Variants in AFF3 observed in about 807,000 individuals in gnomAD.
AFF3 encodes the protein ALF transcription elongation factor 3, also known as AF4/FMR2 family member 3.
AFF3 carries 32 observed loss-of-function variants against 129.7 expected under a neutral mutation model. That is an observed-to-expected ratio of 0.25 (90% CI 0.19 to 0.33). The LOEUF (loss-of-function observed/expected upper bound fraction) is 0.33. Among genes scored for constraint, AFF3 ranks in the 10% least tolerant of loss-of-function variants. The probability of loss-of-function intolerance (pLI) is 1.00; values close to 1 mark genes in which losing one functional copy is unlikely to be tolerated. For synonymous variants in AFF3, 644 were observed against 635.4 expected (o/e 1.01, Z -0.20); for missense variants, 1,373 against 1,592.0 (o/e 0.86, Z 2.34).
intron 13 of AFF3, among the ~76,000 whole-genome samples, chr2:99,647,825 G>GT (rs1271305172): frequency 1.3e-5 from 2 of 152,186 alleles, no homozygotes; most frequent in Non-Finnish European, 2.9e-5. Flanking sequence ...AAAGAAATTT[G>GT]TAAGAAGAGT....
At chr2:100,063,673 G>A (rs1362067523) in intron 4 of AFF3, among the ~76,000 whole-genome samples, 5 of 152,018 alleles carry the variant, frequency 3.3e-5, no homozygotes, top group Admixed American at 6.5e-5. Flanking sequence ...ATGTCTCATC[G>A]GAGACCTAGA....
At chr2:99,876,053 C>T (rs949525230) in intron 7 of AFF3, among the ~76,000 whole-genome samples, 1 of 152,122 alleles carries the variant, frequency 6.6e-6, no homozygotes, top group African/African-American at 2.4e-5. Flanking sequence ...TCCTGATTCT[C>T]ACTCTCCTCT....
intron 4 of AFF3, among the ~76,000 whole-genome samples, chr2:100,047,657 C>G (rs1398749743): frequency 6.6e-6 from 1 of 152,224 alleles, no homozygotes; most frequent in African/African-American, 2.4e-5. Flanking sequence ...GCGATTAGCT[C>G]TAAGCCAATG....
intron 11 of AFF3, among the ~76,000 whole-genome samples, chr2:99,673,920 G>A (rs1027135076): frequency 3.9e-5 from 6 of 152,210 alleles, no homozygotes; most frequent in African/African-American, 9.6e-5. Context: ...GTGCAGTGAC[G>A]TGTTATAGAG....
intron 12 of AFF3, among the ~76,000 whole-genome samples, chr2:99,650,801 T>A: frequency 1.7e-5 from 2 of 118,952 alleles, no homozygotes; most frequent in East Asian, 5.2e-4. Flanking sequence ...AATTAATGTG[T>A]GTGTGTGTGT....
chr2:100,054,475 C>T (rs1333025682), intron 4 of AFF3, among the ~76,000 whole-genome samples: 1 of 152,158 alleles, frequency 6.6e-6, no homozygotes, highest in Non-Finnish European at 1.5e-5. Flanking sequence ...TTCTGCTTGA[C>T]TGCCTTGAGC....
At chr2:100,019,732 G>A (rs1438037478) in intron 4 of AFF3, among the ~76,000 whole-genome samples, 1 of 152,096 alleles carries the variant, frequency 6.6e-6, no homozygotes, top group Admixed American at 6.6e-5. Context: ...GTGAGGTCAG[G>A]GGCTCGGTTC....
chr2:100,022,447 A>G (rs1293565265), intron 4 of AFF3, among the ~76,000 whole-genome samples: 4 of 151,796 alleles, frequency 2.6e-5, no homozygotes, highest in African/African-American at 7.3e-5. Context: ...GTCTCACTCT[A>G]TCCCCCCGGC....
At chr2:100,044,516 T>C (rs1287571698) in intron 4 of AFF3, among the ~76,000 whole-genome samples, 1 of 151,974 alleles carries the variant, frequency 6.6e-6, no homozygotes, top group Admixed American at 6.6e-5. Flanking sequence ...ACACCTAAGT[T>C]GACTTTCCTG....
intron 7 of AFF3, among the ~76,000 whole-genome samples, chr2:99,927,272 G>A (rs1460391127): frequency 1.3e-5 from 2 of 152,200 alleles, no homozygotes; most frequent in South Asian, 2.1e-4. Context: ...TAAGTGTCAT[G>A]CACACATGTG....
At chr2:100,051,320 C>T (rs781164068) in intron 4 of AFF3, among the ~76,000 whole-genome samples, 3 of 152,154 alleles carry the variant, frequency 2.0e-5, no homozygotes, top group Non-Finnish European at 4.4e-5. Flanking sequence ...GCCCACGCAA[C>T]GGCTCCCAGG....
chr2:99,741,756 C>T (rs893547784), intron 10 of AFF3, among the ~76,000 whole-genome samples: 3 of 151,960 alleles, frequency 2.0e-5, no homozygotes, highest in African/African-American at 4.8e-5. Flanking sequence ...GAGCCCGCAT[C>T]GCCAAGTCAA....
intron 4 of AFF3, among the ~76,000 whole-genome samples, chr2:100,019,961 A>G (rs1000601156): frequency 6.6e-6 from 1 of 152,170 alleles, no homozygotes; most frequent in African/African-American, 2.4e-5. Flanking sequence ...TGAATCAGCA[A>G]ATAAACCTGG....
intron 7 of AFF3, among the ~76,000 whole-genome samples, chr2:99,882,122 C>A (rs541419504): frequency 5.3e-4 from 81 of 152,096 alleles, no homozygotes; most frequent in African/African-American, 1.9e-3. Context: ...CTCACTGCAA[C>A]CCATAAATCA....
intron 8 of AFF3, among the ~76,000 whole-genome samples, chr2:99,830,431 G>A (rs1446500692): frequency 6.6e-6 from 1 of 152,148 alleles, no homozygotes; most frequent in African/African-American, 2.4e-5. Context: ...AAATTGTAAG[G>A]AGCACCTCCT....
At chr2:99,967,252 C>G (rs941333043) in intron 7 of AFF3, among the ~76,000 whole-genome samples, 2 of 151,800 alleles carry the variant, frequency 1.3e-5, no homozygotes, top group East Asian at 1.9e-4. Flanking sequence ...CTCCCTCCCC[C>G]TCTTCCTCTC....
In AFF3 at chr2:99,547,145, CTG is replaced by C. The variant is rs1491547510; in HGVS notation, c.*4327_*4328del. On this transcript the variant is annotated 3_prime_UTR_variant, in exon 25 of 25. Transcript: ENST00000672756. The stretch of plus-strand genomic sequence containing the variant: ...AAAGATTGCTTTTCGAGATTATAAA[CTG>C]GGAGCCAGAACAACTGACTTGAACG... The C allele has an allele frequency of 4.6e-6, 1 of 218,608 alleles. No individual in the cohort carries two copies. The highest frequency in any genetic ancestry group is 9.2e-6 in the Non-Finnish European group (1 of 108,852). 13.5% of individuals were successfully genotyped at this position (218,608 alleles called of 1,614,324 possible).
At chr2:100,077,325 AAAG>A (rs1688662331) in intron 4 of AFF3, among the ~76,000 whole-genome samples, 1 of 152,186 alleles carries the variant, frequency 6.6e-6, no homozygotes, top group South Asian at 2.1e-4. Flanking sequence ...CTTCTAAGCA[AAAG>A]AAGGAGCAGG....
At chr2:99,553,750 A>C (rs1028276886) in intron 24 of AFF3, among the ~76,000 whole-genome samples, 1 of 151,880 alleles carries the variant, frequency 6.6e-6, no homozygotes, top group African/African-American at 2.4e-5. Flanking sequence ...CGCCTCTACT[A>C]AAAATACAAA....
Sources: allele counts gnomAD v4.1 joint callset (sites outside exome capture counted in the v4.1 genomes callset), GRCh38; gene constraint gnomAD v4.1.1; transcripts MANE v1.5; gene names NCBI Gene and HGNC (gene_info 2026-07-23, HGNC 2026-07-21).